The following GLRA2 variants were observed in gnomAD, a reference collection of about 807,000 sequenced individuals.
GLRA2 encodes the protein glycine receptor subunit alpha-2.
GLRA2 carries 11 observed loss-of-function variants against 31.6 expected under a neutral mutation model. The observed-to-expected ratio is 0.35, with a 90% CI of 0.22 to 0.58. GLRA2 has a LOEUF of 0.58. GLRA2 is among the 20% of genes least tolerant of loss of function. The pLI, the probability that GLRA2 is intolerant of heterozygous loss-of-function variation, is 0.84. For missense variants in GLRA2, 212 were observed against 351.8 expected, an observed-to-expected ratio of 0.60 and a Z score of 3.18; for synonymous variants, 132 against 134.0, an observed-to-expected ratio of 0.99 and a Z score of 0.10.
the GLRA2 span, among the ~76,000 whole-genome samples, chrX:14,468,469 A>G: frequency 7.2e-5 from 8 of 111,854 alleles, no homozygotes; most frequent in African/African-American, 2.6e-4. Flanking sequence ...AGGGCTTCCC[A>G]AACTTATTTG....
chrX:14,669,360 G>A (rs755252345), intron 7 of GLRA2, among the ~76,000 whole-genome samples: 13 of 111,616 alleles, frequency 1.2e-4, no homozygotes, highest in Non-Finnish European at 1.7e-4. Flanking sequence ...TTCTGGGGTC[G>A]GAAGGACGGT....
chrX:14,710,649 T>C (rs764324866), intron 8 of GLRA2, among the ~76,000 whole-genome samples: 52 of 112,050 alleles, frequency 4.6e-4, no homozygotes, highest in South Asian at 4.1e-3. Context: ...ATGCCTGAAC[T>C]GAACTGTTGT....
the GLRA2 span, among the ~76,000 whole-genome samples, chrX:14,452,180 TA>T: frequency 0.024 from 2,697 of 112,380 alleles, 104 homozygotes; most frequent in African/African-American, 0.083. Context: ...TACATTTTTT[TA>T]AAAGAAGAAA....
rs1208402253 is a variant in GLRA2, at chrX:14,581,334, A to G, written c.422A>G (p.Asn141Ser). The G allele has an allele frequency of 2.5e-6, 3 of 1,205,989 alleles. No individual in the cohort carries two copies. The highest frequency in any genetic ancestry group is 3.0e-5 in the East Asian group (1 of 33,804). Residue 141 changes from asparagine (N) to serine (S), a missense_variant, in exon 4 of 9, where the codon AAC (asparagine) becomes AGC (serine). Coordinates refer to ENST00000218075, the MANE Select transcript of GLRA2 (RefSeq NM_002063.4). Reference sequence around the variant, plus strand: ...TTCTTTGCCAATGAGAAGGGTGCCAACTTCCACGATGTCACCACTGACAAC... The same window carrying G: ...TTCTTTGCCAATGAGAAGGGTGCCAGCTTCCACGATGTCACCACTGACAAC... ...DLFFANEKGA[N>S]FHDVTTDNKL...
chrX:14,701,242 A>G (rs1189248801), intron 8 of GLRA2, among the ~76,000 whole-genome samples: 1 of 111,146 alleles, frequency 9.0e-6, no homozygotes, highest in Non-Finnish European at 1.9e-5. Flanking sequence ...CATCGGACGT[A>G]GGGGAAATTG....
chrX:14,679,256 A>G (rs1177348321), intron 7 of GLRA2, among the ~76,000 whole-genome samples: 2 of 110,444 alleles, frequency 1.8e-5, no homozygotes. Flanking sequence ...TGTCCCAAAG[A>G]GAGTAAGGAA....
At chrX:14,624,457 T>C (rs2090563640) in intron 7 of GLRA2, among the ~76,000 whole-genome samples, 1 of 111,985 alleles carries the variant, frequency 8.9e-6, no homozygotes, top group Non-Finnish European at 1.9e-5. Flanking sequence ...TTGTCAATTT[T>C]AGATCTTTCC....
chrX:14,693,037 T>A (rs2091385287), intron 8 of GLRA2, among the ~76,000 whole-genome samples: 2 of 87,075 alleles, frequency 2.3e-5, no homozygotes, highest in South Asian at 5.0e-4. Context: ...AAACTTAAAG[T>A]ATAATAACAA....
chrX:14,583,253 G>C (rs748353470), intron 4 of GLRA2, among the ~76,000 whole-genome samples: 3 of 112,429 alleles, frequency 2.7e-5, no homozygotes, highest in African/African-American at 9.7e-5. Context: ...GTGGAAAGCA[G>C]TTTGGCAATT....
chrX:14,570,733 A>G (rs1349962006), intron 2 of GLRA2, among the ~76,000 whole-genome samples: 4 of 111,939 alleles, frequency 3.6e-5, no homozygotes, highest in African/African-American at 1.3e-4. Flanking sequence ...AATGGATAAT[A>G]ATCAATAATT....
the GLRA2 span, among the ~76,000 whole-genome samples, chrX:14,458,559 C>T: frequency 5.4e-5 from 6 of 112,146 alleles, no homozygotes; most frequent in Admixed American, 2.8e-4. Flanking sequence ...TTAATGGTCG[C>T]CATTCTAACT....
the GLRA2 span, among the ~76,000 whole-genome samples, chrX:14,518,290 A>G: frequency 8.9e-6 from 1 of 112,262 alleles, no homozygotes; most frequent in African/African-American, 3.2e-5. Context: ...ATTTTATAAC[A>G]CTTCAGAAAA....
intron 8 of GLRA2, among the ~76,000 whole-genome samples, chrX:14,698,824 A>G (rs2091491013): frequency 9.0e-6 from 1 of 110,988 alleles, no homozygotes; most frequent in Non-Finnish European, 1.9e-5. Flanking sequence ...AGAGCAGATC[A>G]TCTCCCAAAA....
At chrX:14,462,144 ATTCTT>A in the GLRA2 span, among the ~76,000 whole-genome samples, 4 of 111,921 alleles carry the variant, frequency 3.6e-5, no homozygotes, top group Non-Finnish European at 5.6e-5. Flanking sequence ...TGGGTTGAAA[ATTCTT>A]TTCTTTAAGA....
chrX:14,547,302 G>C (rs2089495059), intron 2 of GLRA2, among the ~76,000 whole-genome samples: 1 of 111,044 alleles, frequency 9.0e-6, no homozygotes, highest in Admixed American at 9.6e-5. Context: ...ACCCAAGGGA[G>C]TGCAGAGCTC....
intron 3 of GLRA2, among the ~76,000 whole-genome samples, chrX:14,574,991 A>G (rs1233100507): frequency 9.1e-6 from 1 of 110,073 alleles, no homozygotes; most frequent in African/African-American, 3.3e-5. Flanking sequence ...ATATATTCCA[A>G]AGGGCTGAAA....
rs768308844 is a variant in GLRA2, at chrX:14,707,016, A to ATTGAT, written c.1080+16159_1080+16163dup. Among the ~76,000 whole-genome samples, 115 of 101,811 alleles carry ATTGAT rather than the reference A, an allele frequency of 1.1e-3. 2 individuals are homozygous for ATTGAT. The Middle Eastern group carries it at 0.036, about 32-fold the overall frequency. 88.4% of individuals were successfully genotyped at this position (101,811 alleles called of 115,157 possible). On this transcript the variant is annotated intron_variant, in intron 8 of 8. Transcript: ENST00000218075. ...TCACACTTCCTGTCTTTTAGGGCAG[A>ATTGAT]TTGATTAAAATAAAACTTACAAAAA... is the stretch of plus-strand genomic sequence containing the variant.
At chrX:14,668,092 T>G (rs1044785104) in intron 7 of GLRA2, among the ~76,000 whole-genome samples, 3 of 111,546 alleles carry the variant, frequency 2.7e-5, no homozygotes, top group Middle Eastern at 4.6e-3. Context: ...CTCACTCATA[T>G]AGTTGTTGGC....
chrX:14,623,459 C>A (rs1410300724), intron 7 of GLRA2, among the ~76,000 whole-genome samples: 1 of 110,922 alleles, frequency 9.0e-6, no homozygotes, highest in African/African-American at 3.3e-5. Context: ...CAGTTTTTGC[C>A]CATTCAGTAT....
Sources: gnomAD v4.1 joint callset for allele counts (sites outside exome capture counted in the v4.1 genomes callset) on GRCh38, gnomAD v4.1.1 for gene constraint, MANE v1.5 for transcripts, NCBI Gene and HGNC (gene_info 2026-07-23, HGNC 2026-07-21) for gene names.